Variants in KIRREL3 observed in about 807,000 individuals in gnomAD.
KIRREL3 encodes kin of IRRE-like protein 3.
A neutral mutation model predicts 89.7 loss-of-function variants in KIRREL3; 36 were observed. The observed-to-expected ratio is 0.40, with a 90% CI of 0.31 to 0.53. The LOEUF (loss-of-function observed/expected upper bound fraction) is 0.53, where lower values mean the gene tolerates loss of function less well. KIRREL3 is among the 20% of genes least tolerant of loss of function. The probability of loss-of-function intolerance (pLI) is 0.49; values close to 1 mark genes in which losing one functional copy is unlikely to be tolerated. For missense variants in KIRREL3, 864 were observed against 1,056.6 expected, an observed-to-expected ratio of 0.82 and a Z score of 2.53; for synonymous variants, 445 against 441.4, an observed-to-expected ratio of 1.01 and a Z score of -0.10.
rs1006062238 is a variant in KIRREL3, at chr11:126,526,705, A to G, written c.134-18T>C. Reference sequence around the variant, plus strand: ...GACTTGGCCTGGGAAGGAGACAAACACAATGGTCAGTTATCTGCCGGCTAC... The same window carrying G: ...GACTTGGCCTGGGAAGGAGACAAACGCAATGGTCAGTTATCTGCCGGCTAC... On this transcript the variant is annotated intron_variant, in intron 2 of 16. Transcript: ENST00000525144. This position sits in a 1 kb window ranked among gnomAD's most constrained non-coding sequence, Gnocchi z 5.7. The G allele has an allele frequency of 1.3e-6, 2 of 1,552,098 alleles. No homozygotes were observed. The highest frequency in any genetic ancestry group is 1.4e-5 in the African/African-American group (1 of 73,144).
rs1039725313 is a variant in KIRREL3 at position 126,752,305 on chromosome 11, A to G, written c.56-189393T>C. Among the ~76,000 whole-genome samples, 4 of 152,060 alleles carry G rather than the reference A, an allele frequency of 2.6e-5. No individual in the cohort carries two copies. The highest frequency in any genetic ancestry group is 9.7e-5 in the African/African-American group (4 of 41,378). ...TGAAACTATCATTAGGAACTTCCTC[A>G]CTTTTGGATTTTGCAGATTCCTTTC... On this transcript the variant is annotated intron_variant, in intron 1 of 16. Coordinates refer to ENST00000525144, the MANE Select transcript of KIRREL3 (RefSeq NM_032531.4). This position sits in a 1 kb window ranked among gnomAD's most constrained non-coding sequence, Gnocchi z 4.8.
rs1940333021 is a variant in KIRREL3, at chr11:126,564,064, T to C, written c.56-1152A>G. 6.6e-6 allele frequency among the ~76,000 whole-genome samples: 1 copy of C among 152,228 alleles called. No individual in the cohort carries two copies. On this transcript the variant is annotated intron_variant, in intron 1 of 16. Coordinates refer to ENST00000525144, the MANE Select transcript of KIRREL3 (RefSeq NM_032531.4). The surrounding 1 kb of genome is among the most constrained non-coding windows in gnomAD (Gnocchi z 7.4). The stretch of plus-strand genomic sequence containing the variant: ...TGGTAAATAGATAAGGAATTTGATT[T>C]CTGGAAGAGGGAATATGACTGCAGC...
chr11:126,670,303 C>T (rs553537209), intron 1 of KIRREL3, among the ~76,000 whole-genome samples: 100 of 152,292 alleles, frequency 6.6e-4, no homozygotes, highest in Non-Finnish European at 1.1e-3. Flanking sequence ...GAGAATTTCA[C>T]TAACTTAATA....
rs1278053273 is a variant in KIRREL3 at position 126,486,282 on chromosome 11, G to C, written c.434-12816C>G. ...GCTTGGGAGAGGCCAGCAGAGAAGG[G>C]ACAGTGGGGTGGGGGAGTGCATCAA... is the stretch of plus-strand genomic sequence containing the variant. On this transcript the variant is annotated intron_variant, in intron 4 of 16. Coordinates refer to ENST00000525144, the MANE Select transcript of KIRREL3 (RefSeq NM_032531.4). This position sits in a 1 kb window ranked among gnomAD's most constrained non-coding sequence, Gnocchi z 6.2. Among the ~76,000 whole-genome samples, 1 of 152,162 alleles carries C rather than the reference G, an allele frequency of 6.6e-6. No homozygotes were observed. Among genetic ancestry groups the C allele is most frequent in the African/African-American group, 2.4e-5 (1 of 41,430 alleles).
Position 126,525,959 on chromosome 11 carries a change from A to G in KIRREL3, c.283+579T>C, listed in dbSNP as rs201156884. Among the ~76,000 whole-genome samples the G allele has an allele frequency of 6.6e-6, 1 of 152,194 alleles. No individual in the cohort carries two copies. The highest frequency in any genetic ancestry group is 1.5e-5 in the Non-Finnish European group (1 of 68,030). On this transcript the variant is annotated intron_variant, in intron 3 of 16. Transcript: ENST00000525144. The surrounding 1 kb of genome is among the most constrained non-coding windows in gnomAD (Gnocchi z 5.4). ...GCCATCAACAACCATGGGAACTCTCACTGCCTGTCCCAGGGTAGCTTTGCT... is the reference window on the plus strand; with the variant it reads ...GCCATCAACAACCATGGGAACTCTCGCTGCCTGTCCCAGGGTAGCTTTGCT...
chr11:126,927,095 T>A (rs1054217419), intron 1 of KIRREL3, among the ~76,000 whole-genome samples: 3 of 152,230 alleles, frequency 2.0e-5, no homozygotes, highest in Non-Finnish European at 4.4e-5. Flanking sequence ...TTCCAGTCAC[T>A]GGCCAAATTA....
Position 126,682,964 on chromosome 11 carries a change from C to T in KIRREL3, c.56-120052G>A, listed in dbSNP as rs620440. Among the ~76,000 whole-genome samples, 4 of 152,146 alleles carry T rather than the reference C, an allele frequency of 2.6e-5. No individual in the cohort carries two copies. Among genetic ancestry groups the T allele is most frequent in the Non-Finnish European group, 5.9e-5 (4 of 68,040 alleles). ...TGACCTCCTGGGCTCAAGCAATCCT[C>T]GCACCTCAGCCTCCCAAGTAGCTAG... is the stretch of plus-strand genomic sequence containing the variant. On this transcript the variant is annotated intron_variant, in intron 1 of 16. Transcript: ENST00000525144. This position sits in a 1 kb window ranked among gnomAD's most constrained non-coding sequence, Gnocchi z 4.8.
Position 126,811,187 on chromosome 11 carries a change from T to G in KIRREL3, c.55+189268A>C, listed in dbSNP as rs2134423320. Reference sequence around the variant, plus strand: ...CAACTCCATGTGTTGTTACCCCACCTGACAGTTCACAATTCTGTCTTTCCT... The same window carrying G: ...CAACTCCATGTGTTGTTACCCCACCGGACAGTTCACAATTCTGTCTTTCCT... On this transcript the variant is annotated intron_variant, in intron 1 of 16. Coordinates refer to ENST00000525144, the MANE Select transcript of KIRREL3 (RefSeq NM_032531.4). The surrounding 1 kb of genome is among the most constrained non-coding windows in gnomAD (Gnocchi z 4.3). Among the ~76,000 whole-genome samples, 1 of 152,340 alleles carries G rather than the reference T, an allele frequency of 6.6e-6. No individual in the cohort carries two copies. Among genetic ancestry groups the G allele is most frequent in the African/African-American group, 2.4e-5 (1 of 41,570 alleles).
Position 126,526,252 on chromosome 11 carries a change from C to G in KIRREL3, c.283+286G>C, listed in dbSNP as rs748960919. Among the ~76,000 whole-genome samples, 2 of 152,164 alleles carry G rather than the reference C, an allele frequency of 1.3e-5. No homozygotes were observed. Among genetic ancestry groups the G allele is most frequent in the Non-Finnish European group, 2.9e-5 (2 of 68,018 alleles). On this transcript the variant is annotated intron_variant, in intron 3 of 16. Transcript: ENST00000525144. This position sits in a 1 kb window ranked among gnomAD's most constrained non-coding sequence, Gnocchi z 5.7. The stretch of plus-strand genomic sequence containing the variant: ...TCTGGAAACTGGAATTTACATGAAT[C>G]ATGTTTGACTTTGGAGTAGGTGCTT...
intron 16 of KIRREL3, 117 bp downstream of exon 16, chr11:126,425,521 C>A (rs1049009468): frequency 2.2e-6 from 2 of 922,924 alleles, no homozygotes; most frequent in Non-Finnish European, 3.4e-6. Flanking sequence ...ACCAAGCTGG[C>A]CTCTGACCTT....
At chr11:126,885,808 T>C (rs1474574526) in intron 1 of KIRREL3, among the ~76,000 whole-genome samples, 4 of 152,184 alleles carry the variant, frequency 2.6e-5, no homozygotes, top group Non-Finnish European at 4.4e-5. Flanking sequence ...TCTAGGGTAC[T>C]TTGGGCTTTG....
intron 1 of KIRREL3, among the ~76,000 whole-genome samples, chr11:126,626,779 G>A (rs207472473): frequency 1.3e-5 from 2 of 152,198 alleles, no homozygotes; most frequent in African/African-American, 4.8e-5. Context: ...GATCGCCTGA[G>A]GTCAGGAATT....
chr11:126,581,493 C>T (rs565533999), intron 1 of KIRREL3, among the ~76,000 whole-genome samples: 3 of 152,222 alleles, frequency 2.0e-5, no homozygotes, highest in South Asian at 2.1e-4. Flanking sequence ...TGAGACACCG[C>T]GCCTGGCCTA....
intron 1 of KIRREL3, among the ~76,000 whole-genome samples, chr11:126,693,720 C>T (rs1187734616): frequency 1.3e-5 from 2 of 152,188 alleles, no homozygotes; most frequent in African/African-American, 4.8e-5. Context: ...TAGCCTTCTA[C>T]ATTAATGTAA....
chr11:126,820,551 T>A (rs1943175890), intron 1 of KIRREL3, among the ~76,000 whole-genome samples: 1 of 151,718 alleles, frequency 6.6e-6, no homozygotes, highest in Non-Finnish European at 1.5e-5. Flanking sequence ...AGGTAAAAAA[T>A]TTTGTTGAAG....
At chr11:126,885,651 A>G (rs1945667281) in intron 1 of KIRREL3, among the ~76,000 whole-genome samples, 1 of 152,192 alleles carries the variant, frequency 6.6e-6, no homozygotes, top group African/African-American at 2.4e-5. Context: ...TTTTTCTAGC[A>G]GGTAATTCTT....
rs115849240 is a variant in KIRREL3, at chr11:126,942,774, C to T, written c.55+57681G>A. On this transcript the variant is annotated intron_variant, in intron 1 of 16. Coordinates refer to ENST00000525144, the MANE Select transcript of KIRREL3 (RefSeq NM_032531.4). ...CAAGAGTAGATGCGCTCCCTTGAGGCGCTCCCTTGAGCCCTGGAGCTTGCC... is the reference window on the plus strand; with the variant it reads ...CAAGAGTAGATGCGCTCCCTTGAGGTGCTCCCTTGAGCCCTGGAGCTTGCC... Among the ~76,000 whole-genome samples the T allele has an allele frequency of 5.4e-3, 822 of 152,300 alleles. 6 individuals carry two copies. Among genetic ancestry groups the T allele is most frequent in the African/African-American group, 0.019 (783 of 41,558 alleles).
chr11:126,905,997 A>C lies in KIRREL3; in HGVS notation c.55+94458T>G, dbSNP rs1946567769. Among the ~76,000 whole-genome samples, 1 of 152,216 alleles carries C rather than the reference A, an allele frequency of 6.6e-6. No individual in the cohort carries two copies. The highest frequency in any genetic ancestry group is 2.1e-4 in the South Asian group (1 of 4,834). On this transcript the variant is annotated intron_variant, in intron 1 of 16. Transcript: ENST00000525144. The surrounding 1 kb of genome is among the most constrained non-coding windows in gnomAD (Gnocchi z 5.0). ...AATTGTCAGTTCAGGTCTCCAGGTC[A>C]AAAATCATTTTATCTGCTGAAGCAG...
rs1946685923 is a variant in KIRREL3, at chr11:126,908,741, T to G, written c.55+91714A>C. ...GATTAAATATAATAGTTTCTGCTTT[T>G]ATGGGGCCTATAGTCTAGGTAGGAA... On this transcript the variant is annotated intron_variant, in intron 1 of 16. Transcript: ENST00000525144. This position sits in a 1 kb window ranked among gnomAD's most constrained non-coding sequence, Gnocchi z 4.2. Among the ~76,000 whole-genome samples the G allele has an allele frequency of 6.6e-6, 1 of 152,144 alleles. No homozygotes were observed. The highest frequency in any genetic ancestry group is 2.4e-5 in the African/African-American group (1 of 41,434).
Sources: gnomAD v4.1 joint callset for allele counts (sites outside exome capture counted in the v4.1 genomes callset) on GRCh38, gnomAD v4.1.1 for gene constraint, Gnocchi (gnomAD v3.1) non-coding constraint, MANE v1.5 for transcripts, NCBI Gene and HGNC (gene_info 2026-07-23, HGNC 2026-07-21) for gene names.